PGCKA1: variants seen among roughly 807,000 people sequenced by gnomAD.
PGCKA1 encodes the protein PDCD10 and GCKIII kinases-associated protein 1.
chr4:37,588,687 T>C, the PGCKA1 span: 2 of 570,464 alleles, frequency 3.5e-6, no homozygotes, highest in African/African-American at 3.7e-5. Flanking sequence ...GTATTCCTGG[T>C]AACCAGCACC....
At chr4:37,586,638 G>A in the PGCKA1 span, among the ~76,000 whole-genome samples, 59 of 152,296 alleles carry the variant, frequency 3.9e-4, no homozygotes, top group Admixed American at 9.1e-4. Context: ...AGCCGGGCAT[G>A]GTGGCTCACG....
At chr4:37,560,641 G>GC in the PGCKA1 span, among the ~76,000 whole-genome samples, 69,046 of 151,670 alleles carry the variant, frequency 0.46, 16,539 homozygotes, top group South Asian at 0.54. Context: ...CAGACACCTT[G>GC]CCCCTACATC....
At chr4:37,506,449 A>G in the PGCKA1 span, among the ~76,000 whole-genome samples, 1 of 152,062 alleles carries the variant, frequency 6.6e-6, no homozygotes, top group East Asian at 1.9e-4. Flanking sequence ...ATTGTATCCT[A>G]TAGCTTTTGG....
chr4:37,542,979 G>A, the PGCKA1 span, among the ~76,000 whole-genome samples: 1 of 152,060 alleles, frequency 6.6e-6, no homozygotes, highest in South Asian at 2.1e-4. Flanking sequence ...ATGTGAACTG[G>A]CTCATTCAGA....
chr4:37,572,356 G>A, the PGCKA1 span, among the ~76,000 whole-genome samples: 2 of 152,116 alleles, frequency 1.3e-5, no homozygotes, highest in Admixed American at 6.5e-5. Context: ...GTGAGCCAAC[G>A]TGCCCGGCCA....
the PGCKA1 span, among the ~76,000 whole-genome samples, chr4:37,497,307 T>C: frequency 5.3e-5 from 8 of 152,302 alleles, no homozygotes; most frequent in Admixed American, 5.2e-4. Context: ...TATATATATA[T>C]ACCACAGTTT....
chr4:37,502,929 G>T, the PGCKA1 span, among the ~76,000 whole-genome samples: 5 of 152,096 alleles, frequency 3.3e-5, no homozygotes, highest in African/African-American at 9.7e-5. Flanking sequence ...GGTCGGACTG[G>T]CCCTGTCTGA....
the PGCKA1 span, among the ~76,000 whole-genome samples, chr4:37,546,833 C>T: frequency 3.3e-5 from 5 of 152,350 alleles, no homozygotes; most frequent in African/African-American, 7.2e-5. Context: ...CCCGGTGGAA[C>T]GCCTCGCCAC....
chr4:37,524,556 A>G, the PGCKA1 span, among the ~76,000 whole-genome samples: 2 of 151,832 alleles, frequency 1.3e-5, no homozygotes, highest in South Asian at 4.2e-4. Context: ...TGAGAATATC[A>G]CTCCATCTCT....
chr4:37,518,790 C>A, the PGCKA1 span, among the ~76,000 whole-genome samples: 1 of 152,122 alleles, frequency 6.6e-6, no homozygotes, highest in African/African-American at 2.4e-5. Context: ...TCCAATTTGT[C>A]CATTTTTGTG....
chr4:37,504,923 C>T, the PGCKA1 span, among the ~76,000 whole-genome samples: 1 of 152,074 alleles, frequency 6.6e-6, no homozygotes, highest in African/African-American at 2.4e-5. Context: ...CTTTATCTTG[C>T]CTAATTTCTC....
the PGCKA1 span, among the ~76,000 whole-genome samples, chr4:37,564,969 T>TAC: frequency 1.9e-4 from 28 of 150,500 alleles, no homozygotes; most frequent in Middle Eastern, 3.4e-3. Flanking sequence ...CACACACACG[T>TAC]ACACACACAC....
chr4:37,501,300 C>T, the PGCKA1 span, among the ~76,000 whole-genome samples: 11,610 of 152,022 alleles, frequency 0.076, 715 homozygotes, highest in South Asian at 0.24. Context: ...GGCAGGTGAG[C>T]GAGCATTACC....
At chr4:37,561,523 T>G in the PGCKA1 span, among the ~76,000 whole-genome samples, 1 of 152,096 alleles carries the variant, frequency 6.6e-6, no homozygotes, top group Non-Finnish European at 1.5e-5. Context: ...AACATAAATT[T>G]TAAAGACTTG....
At chr4:37,568,620 TG>T in the PGCKA1 span, among the ~76,000 whole-genome samples, 3 of 152,178 alleles carry the variant, frequency 2.0e-5, no homozygotes, top group African/African-American at 7.2e-5. Context: ...GATCATGGCC[TG>T]GGGTGAGTGT....
chr4:37,579,903 C>T, the PGCKA1 span, among the ~76,000 whole-genome samples: 1 of 152,158 alleles, frequency 6.6e-6, no homozygotes, highest in African/African-American at 2.4e-5. Context: ...GCCAATAACT[C>T]TTAGATTTGC....
chr4:37,548,670 TTATC>T, the PGCKA1 span, among the ~76,000 whole-genome samples: 1 of 152,246 alleles, frequency 6.6e-6, no homozygotes, highest in East Asian at 1.9e-4. Context: ...AAAATTTAGT[TTATC>T]TGGTATAAAA....
At chr4:37,523,005 C>G in the PGCKA1 span, among the ~76,000 whole-genome samples, 1 of 152,118 alleles carries the variant, frequency 6.6e-6, no homozygotes, top group Admixed American at 6.5e-5. Flanking sequence ...CTCAGTATGT[C>G]AGGTGCCCCC....
the PGCKA1 span, chr4:37,460,557 G>A: frequency 6.6e-6 from 3 of 453,392 alleles, no homozygotes; most frequent in Non-Finnish European, 1.3e-5. Flanking sequence ...GAATCTCATT[G>A]TGGTTTTGAT....
Sources: allele counts gnomAD v4.1 joint callset (sites outside exome capture counted in the v4.1 genomes callset), GRCh38; gene constraint gnomAD v4.1.1; transcripts MANE v1.5; gene names NCBI Gene and HGNC (gene_info 2026-07-23, HGNC 2026-07-21).